Variants in ITPRID2 observed in about 807,000 individuals in gnomAD.
ITPRID2 encodes protein ITPRID2.
In ITPRID2, 60 loss-of-function variants were observed where a neutral mutation model predicts 124.3. That is an observed-to-expected ratio of 0.48 (90% confidence interval 0.39 to 0.60). ITPRID2 has a LOEUF of 0.60. Ranked by LOEUF, ITPRID2 falls within the 20% of genes least tolerant of loss-of-function variation. ITPRID2 has a pLI of 0.00. For synonymous variants in ITPRID2, 521 were observed against 542.9 expected, an observed-to-expected ratio of 0.96 and a Z score of 0.56; for missense variants, 1,553 against 1,512.2, an observed-to-expected ratio of 1.03 and a Z score of -0.45.
Position 181,916,045 on chromosome 2 carries a change from T to C in ITPRID2, c.2405T>C (p.Ile802Thr). Residue 802 changes from isoleucine (I) to threonine (T), a missense_variant, in exon 11 of 18, where the codon ATC (isoleucine) becomes ACC (threonine). Coordinates refer to ENST00000431877, the MANE Select transcript of ITPRID2 (RefSeq NM_001130445.3). ...GQSLVKSTIF[I>T]SPSSVKKEEA... ...TCTTTAGTTAAATCGACCATTTTCA[T>C]CTCTCCATCATCTGTGAAGAAAGAA... 1 of 1,614,178 alleles carries C rather than the reference T, an allele frequency of 6.2e-7. No homozygotes were observed. Among genetic ancestry groups the C allele is most frequent in the Non-Finnish European group, 8.5e-7 (1 of 1,180,028 alleles).
rs977573690 is a variant in ITPRID2 at position 181,892,522 on chromosome 2, G to A, written c.212-93G>A. The A allele has an allele frequency of 2.6e-5, 39 of 1,490,748 alleles. No homozygotes were observed. The highest frequency in any genetic ancestry group is 3.4e-5 in the Non-Finnish European group (36 of 1,069,122). 92.3% of individuals were successfully genotyped at this position (1,490,748 alleles called of 1,614,324 possible). A position where few individuals can be genotyped will look rare whatever the true frequency, so the allele number is the denominator to read the frequency against. ...ACGTGTCGCTTAGGCTGCATTTGCCGTGGTAGATTTTCCTACTTGGGAGGG... is the reference window on the plus strand; with the variant it reads ...ACGTGTCGCTTAGGCTGCATTTGCCATGGTAGATTTTCCTACTTGGGAGGG... On this transcript the variant is annotated intron_variant, in intron 1 of 17. Coordinates refer to ENST00000431877, the MANE Select transcript of ITPRID2 (RefSeq NM_001130445.3). This position sits in a 1 kb window ranked among gnomAD's most constrained non-coding sequence, Gnocchi z 5.2.
In ITPRID2 at chr2:181,915,674, T is replaced by C. The variant is rs749797292; in HGVS notation, c.2034T>C (p.Ser678=). 2 of 1,614,200 alleles carry C rather than the reference T, an allele frequency of 1.2e-6. No homozygotes were observed. Among genetic ancestry groups the C allele is most frequent in the Non-Finnish European group, 1.7e-6 (2 of 1,180,036 alleles). The change falls in exon 11 of 18, where the codon TCT becomes TCC. Residue 678 remains serine, a synonymous_variant. Transcript: ENST00000431877. ...SIEAKCSDMS[S]ENTTGPPSSM... ...AAGCTAAATGCAGTGATATGAGCTC[T>C]GAAAATACAACTGGGCCTCCCTCTT...
intron 6 of ITPRID2, 79 bp from the exon 7 acceptor site, chr2:181,900,617 G>A: frequency 1.1e-6 from 1 of 945,272 alleles, no homozygotes; most frequent in Non-Finnish European, 1.6e-6. Context: ...TCAGTAATAT[G>A]TATTCATTTA....
At position 181,918,613 on chromosome 2, in the gene ITPRID2, G is replaced by C. The variant is rs149011465; in HGVS notation, c.2803G>C (p.Gly935Arg). Reference sequence around the variant, plus strand: ...TTTTTTGAAGTACCCTATGATGAGAGGACCTGATCCTGCTGCTGCTCCATA... The same window carrying C: ...TTTTTTGAAGTACCCTATGATGAGACGACCTGATCCTGCTGCTGCTCCATA... ...QNLSQYPMMRGPDPAAAPYST... is the reference protein window; with the variant it reads ...QNLSQYPMMRRPDPAAAPYST... Residue 935 changes from glycine to arginine, a missense_variant, in exon 12 of 18, where the codon GGA (glycine) becomes CGA (arginine). Physicochemically the swap from Gly to Arg is moderately radical, Grantham distance 125. Coordinates refer to ENST00000431877, the MANE Select transcript of ITPRID2 (RefSeq NM_001130445.3). 4 of 1,613,834 alleles carry C rather than the reference G, an allele frequency of 2.5e-6. No individual in the cohort carries two copies. The East Asian group carries it at 8.9e-5, about 36-fold the overall frequency.
rs1419752720 is a variant in ITPRID2 at position 181,929,722 on chromosome 2, T to C, written c.*175T>C. On this transcript the variant is annotated 3_prime_UTR_variant, in exon 18 of 18. Transcript: ENST00000431877. ...ACCATATATTTTAAAAAGACGTACA[T>C]AGAAACTTAGGCACTTTGCTATTTC... The C allele has an allele frequency of 5.3e-6, 6 of 1,130,782 alleles. No homozygotes were observed. The highest frequency in any genetic ancestry group is 2.6e-5 in the East Asian group (1 of 38,980). 70.0% of individuals were successfully genotyped at this position (1,130,782 alleles called of 1,614,324 possible). A position where few individuals can be genotyped will look rare whatever the true frequency, so the allele number is the denominator to read the frequency against.
In ITPRID2 at chr2:181,896,012, A is replaced by G; in HGVS notation, c.258-18A>G. 3 of 1,611,202 alleles carry G rather than the reference A, an allele frequency of 1.9e-6. No individual in the cohort carries two copies. Among genetic ancestry groups the G allele is most frequent in the Non-Finnish European group, 2.5e-6 (3 of 1,177,656 alleles). On this transcript the variant is annotated intron_variant, in intron 2 of 17. Transcript: ENST00000431877. This position sits in a 1 kb window ranked among gnomAD's most constrained non-coding sequence, Gnocchi z 4.3. ...AGCCTTTCACAAGACTAAGGCTTAT[A>G]CGTTTATATGGTTTCAGTACACCTT...
At position 181,896,913 on chromosome 2, in the gene ITPRID2, CT is replaced by C; in HGVS notation, c.315del (p.Val106Ter). ...TTTTCAAATGTGTCTTTCAGGTGTG[CT>C]TGTGAGAAATGGAGGAAGTTTTGAA... ...EQSSSTLKGV[L>X]VRNGGSFEDD... On this transcript the variant is annotated frameshift_variant, in exon 4 of 18. Transcript: ENST00000431877. LOFTEE classifies it high-confidence loss of function. The surrounding 1 kb of genome is among the most constrained non-coding windows in gnomAD (Gnocchi z 4.3). 6.2e-7 allele frequency: 1 copy of C among 1,612,322 alleles called. No individual in the cohort carries two copies. Among genetic ancestry groups the C allele is most frequent in the Non-Finnish European group, 8.5e-7 (1 of 1,178,714 alleles).
chr2:181,910,117 T>C lies in ITPRID2; in HGVS notation c.1486+146T>C, dbSNP rs1693484395. ...CAGGTAGGCATGATTCACTATTGTTTGTAGAACTTTTTTTGTATTTTTTAA... is the reference window on the plus strand; with the variant it reads ...CAGGTAGGCATGATTCACTATTGTTCGTAGAACTTTTTTTGTATTTTTTAA... On this transcript the variant is annotated intron_variant, in intron 9 of 17. Transcript: ENST00000431877. This position sits in a 1 kb window ranked among gnomAD's most constrained non-coding sequence, Gnocchi z 4.1. 1.7e-6 allele frequency: 1 copy of C among 575,670 alleles called. No individual in the cohort carries two copies. 35.7% of individuals were successfully genotyped at this position (575,670 alleles called of 1,614,324 possible). A position where few individuals can be genotyped will look rare whatever the true frequency, so the allele number is the denominator to read the frequency against.
chr2:181,894,816 G>A (rs1345249739), intron 2 of ITPRID2: 1 of 152,034 alleles, frequency 6.6e-6, no homozygotes, highest in Admixed American at 6.5e-5. Context: ...ATAAAAGTAA[G>A]ATATTTGTTT....
intron 17 of ITPRID2, among the ~76,000 whole-genome samples, 194 bp downstream of exon 17, chr2:181,928,472 C>T (rs1221609458): frequency 6.6e-6 from 1 of 152,140 alleles, no homozygotes; most frequent in Non-Finnish European, 1.5e-5. Flanking sequence ...TAATACAAAT[C>T]TCCAAGGAAT....
chr2:181,915,823 C>G lies in ITPRID2; in HGVS notation c.2183C>G (p.Ala728Gly). 6.2e-7 allele frequency: 1 copy of G among 1,614,180 alleles called. No homozygotes were observed. The highest frequency in any genetic ancestry group is 2.2e-5 in the East Asian group (1 of 44,874). The change falls in exon 11 of 18, where the codon GCA becomes GGA. Residue 728 changes from alanine (A) to glycine (G), a missense_variant. Ala to Gly is a moderately conservative substitution (Grantham distance 60). Coordinates refer to ENST00000431877, the MANE Select transcript of ITPRID2 (RefSeq NM_001130445.3). The stretch of plus-strand genomic sequence containing the variant: ...TTGTTAAAACAAAGGTACTTATTTG[C>G]AAAAGCTGGCTATCCTCTAAGAAGG... Reference protein sequence around the residue: ...KDLLKQRYLFAKAGYPLRRSQ... With the variant: ...KDLLKQRYLFGKAGYPLRRSQ...
At chr2:181,903,635 T>TA in intron 8 of ITPRID2, among the ~76,000 whole-genome samples, 1 of 152,086 alleles carries the variant, frequency 6.6e-6, no homozygotes, top group African/African-American at 2.4e-5. Flanking sequence ...AATAGTGAAA[T>TA]AAAAAGGGAG....
chr2:181,894,623 A>G (rs571987131), intron 2 of ITPRID2: 7 of 152,246 alleles, frequency 4.6e-5, no homozygotes, highest in African/African-American at 1.4e-4. Flanking sequence ...TACCCACTTG[A>G]TAAGTTCTCA....
chr2:181,899,426 A>G (rs772678526), intron 6 of ITPRID2, among the ~76,000 whole-genome samples: 12 of 152,200 alleles, frequency 7.9e-5, no homozygotes, highest in South Asian at 2.1e-4. Context: ...GAGAACCAAA[A>G]TTCATTGTTA....
chr2:181,928,045 A>T (rs963931501), intron 16 of ITPRID2, 116 bp from the exon 17 acceptor site: 9 of 666,412 alleles, frequency 1.4e-5, no homozygotes, highest in Admixed American at 5.7e-5. Flanking sequence ...TTGCAGGGAG[A>T]TTCACATGAA....
chr2:181,916,836 A>G (rs1386350102), intron 11 of ITPRID2: 18 of 1,000,560 alleles, frequency 1.8e-5, no homozygotes, highest in Non-Finnish European at 2.1e-5. Flanking sequence ...TCCTTTTCCA[A>G]GTTTTCTCCC....
intron 4 of ITPRID2, 47 bp downstream of exon 4, chr2:181,897,011 A>T (rs1574201436): frequency 6.7e-7 from 1 of 1,489,290 alleles, no homozygotes; most frequent in Non-Finnish European, 9.3e-7. Flanking sequence ...TTTCAAATTT[A>T]AAAAAAATGA....
At position 181,891,925 on chromosome 2, in the gene ITPRID2, T is replaced by A; in HGVS notation, c.-142T>A. 15 of 312,462 alleles carry A rather than the reference T, an allele frequency of 4.8e-5. No individual in the cohort carries two copies. The highest frequency in any genetic ancestry group is 1.2e-4 in the East Asian group (1 of 8,384). The allele number at this position is 312,462 out of a possible 1,614,324, so 19.4% of individuals were successfully genotyped here. ...CCCTCCCTCCCTCCCTGTCCCCTCCTCCTCCTCCTCCTCCTCCGGCGCCCG... is the reference window on the plus strand; with the variant it reads ...CCCTCCCTCCCTCCCTGTCCCCTCCACCTCCTCCTCCTCCTCCGGCGCCCG... On this transcript the variant is annotated 5_prime_UTR_variant, in exon 1 of 18. Transcript: ENST00000431877.
Position 181,918,254 on chromosome 2 carries a change from C to G in ITPRID2, c.2788-344C>G, listed in dbSNP as rs577274175. ...CTTGCTCTCCAGCAAAGTTAATAAT[C>G]ACTATAATCTCATGATGATATTTGC... On this transcript the variant is annotated intron_variant, in intron 11 of 17. Transcript: ENST00000431877. The G allele has an allele frequency of 1.4e-5, 14 of 1,004,112 alleles. No individual in the cohort carries two copies. In the South Asian group the frequency reaches 5.7e-4, roughly 41 times the overall value. The allele number at this position is 1,004,112 out of a possible 1,614,324, so 62.2% of individuals were successfully genotyped here. A position where few individuals can be genotyped will look rare whatever the true frequency, so the allele number is the denominator to read the frequency against.
Sources: allele counts gnomAD v4.1 joint callset (sites outside exome capture counted in the v4.1 genomes callset), GRCh38; gene constraint gnomAD v4.1.1; non-coding constraint Gnocchi (gnomAD v3.1); transcripts MANE v1.5; gene names NCBI Gene and HGNC (gene_info 2026-07-23, HGNC 2026-07-21).